ZNF362: variants seen among roughly 807,000 people sequenced by gnomAD.
The protein encoded by ZNF362 is zinc finger protein 362.
ZNF362 carries 11 observed loss-of-function variants against 42.9 expected under a neutral mutation model. The ratio of observed to expected loss-of-function variants is 0.26; its 90% CI spans 0.16 to 0.42. ZNF362 has a LOEUF of 0.42. Among genes scored for constraint, ZNF362 ranks in the 20% least tolerant of loss-of-function variants. ZNF362 has a pLI of 1.00. For missense variants in ZNF362, 362 were observed against 576.2 expected (o/e 0.63, Z 3.81); for synonymous variants, 255 against 257.3 (o/e 0.99, Z 0.09).
At chr1:33,189,064 G>C in the ZNF362 span, among the ~76,000 whole-genome samples, 1 of 152,182 alleles carries the variant, frequency 6.6e-6, no homozygotes, top group Admixed American at 6.5e-5. Flanking sequence ...TCTGCACCAA[G>C]TTGATGACTC....
the ZNF362 span, among the ~76,000 whole-genome samples, chr1:33,236,550 AATATAT>A: frequency 2.2e-3 from 13 of 5,978 alleles, no homozygotes; most frequent in Admixed American, 4.2e-3. Flanking sequence ...AAAAAAAAAA[AATATAT>A]ATATATATAT....
chr1:33,243,851 G>A, the ZNF362 span, among the ~76,000 whole-genome samples: 2 of 150,302 alleles, frequency 1.3e-5, no homozygotes, highest in Non-Finnish European at 2.9e-5. Context: ...CTCGTGATCC[G>A]CCCGCCTCGG....
At chr1:33,146,970 G>C in the ZNF362 span, 1 of 608,660 alleles carries the variant, frequency 1.6e-6, no homozygotes, top group Non-Finnish European at 2.9e-6. Flanking sequence ...CCCTATCAAG[G>C]TCAGAGCTAC....
At chr1:33,159,859 A>G in the ZNF362 span, 1 of 1,613,196 alleles carries the variant, frequency 6.2e-7, no homozygotes, top group Non-Finnish European at 8.5e-7. This position sits in a 1 kb window ranked among gnomAD's most constrained non-coding sequence, Gnocchi z 4.2. Context: ...CAGCTCCTCT[A>G]GCATGGCCTT....
the ZNF362 span, among the ~76,000 whole-genome samples, chr1:33,168,073 T>C: frequency 6.6e-6 from 1 of 151,928 alleles, no homozygotes; most frequent in Non-Finnish European, 1.5e-5. Context: ...CAGTGTGAGA[T>C]GGAGGGGACT....
At chr1:33,198,240 C>G in the ZNF362 span, among the ~76,000 whole-genome samples, 3 of 152,154 alleles carry the variant, frequency 2.0e-5, no homozygotes, top group Admixed American at 6.5e-5. Flanking sequence ...AGTGTGGTGG[C>G]TCATGCCTAT....
intron 6 of ZNF362, among the ~76,000 whole-genome samples, chr1:33,288,445 G>C (rs1646047357): frequency 6.6e-6 from 1 of 152,114 alleles, no homozygotes; most frequent in Non-Finnish European, 1.5e-5. Flanking sequence ...CTAAAGAGGA[G>C]TGACCACCAG....
chr1:33,189,647 A>ATG, the ZNF362 span, among the ~76,000 whole-genome samples: 1 of 16,646 alleles, frequency 6.0e-5, no homozygotes, highest in South Asian at 3.0e-3. Flanking sequence ...ATATATATAT[A>ATG]TATATATATA....
chr1:33,192,700 G>T, the ZNF362 span, among the ~76,000 whole-genome samples: 1 of 152,104 alleles, frequency 6.6e-6, no homozygotes. Context: ...GTTAAGAGTG[G>T]TTGCTAACAG....
chr1:33,276,580 CCAG>C lies in ZNF362; in HGVS notation c.338_340del (p.Ser113del). On this transcript the variant is annotated inframe_deletion, in exon 4 of 9. Coordinates refer to ENST00000539719, the MANE Select transcript of ZNF362 (RefSeq NM_152493.3). Reference sequence around the variant, plus strand: ...GTGGCGCTGCACGCACGGCCGGCCACCAGCACCGTCACAGGTAGGCCGAGCGGG... The same window carrying C: ...GTGGCGCTGCACGCACGGCCGGCCACCACCGTCACAGGTAGGCCGAGCGGG... The C allele has an allele frequency of 7.3e-7, 1 of 1,370,998 alleles. No individual in the cohort carries two copies. Among genetic ancestry groups the C allele is most frequent in the Non-Finnish European group, 9.4e-7 (1 of 1,068,480 alleles). 84.9% of individuals were successfully genotyped at this position (1,370,998 alleles called of 1,614,324 possible).
upstream of ZNF362, among the ~76,000 whole-genome samples, chr1:33,252,877 G>T (rs1278220452): frequency 1.3e-5 from 2 of 152,124 alleles, no homozygotes; most frequent in African/African-American, 4.8e-5. Flanking sequence ...TGCCATGGAG[G>T]GCCTCCTAGA....
the ZNF362 span, among the ~76,000 whole-genome samples, chr1:33,179,836 A>G: frequency 6.6e-6 from 1 of 152,232 alleles, no homozygotes; most frequent in African/African-American, 2.4e-5. Flanking sequence ...TTTATTAAAC[A>G]CAGTAAAATA....
intron 4 of ZNF362, among the ~76,000 whole-genome samples, chr1:33,277,965 C>G (rs958774545): frequency 5.9e-5 from 9 of 152,154 alleles, no homozygotes; most frequent in African/African-American, 2.2e-4. Context: ...GTGCTTCTGC[C>G]TCTCTCCTTC....
the ZNF362 span, among the ~76,000 whole-genome samples, chr1:33,179,027 C>G: frequency 6.6e-6 from 1 of 152,244 alleles, no homozygotes; most frequent in African/African-American, 2.4e-5. Flanking sequence ...AGCCCTGGCT[C>G]TCTCACTGTC....
the ZNF362 span, among the ~76,000 whole-genome samples, chr1:33,180,831 ACGGCCCCGCCATGCGG>A: frequency 1.9e-5 from 1 of 52,028 alleles, no homozygotes; most frequent in African/African-American, 7.2e-5. Flanking sequence ...CCCCGCCCCC[ACGGCCCCGCCATGCGG>A]CGGCCCCGCC....
chr1:33,198,022 A>C, the ZNF362 span, among the ~76,000 whole-genome samples: 1 of 152,220 alleles, frequency 6.6e-6, no homozygotes, highest in South Asian at 2.1e-4. Context: ...TCTGCCAAGA[A>C]TGTTGAAAGT....
chr1:33,241,344 A>T, the ZNF362 span, among the ~76,000 whole-genome samples: 8 of 151,956 alleles, frequency 5.3e-5, no homozygotes, highest in South Asian at 2.1e-4. Flanking sequence ...AAAATACAAA[A>T]ATTAGCCAGG....
the ZNF362 span, among the ~76,000 whole-genome samples, chr1:33,152,568 A>C: frequency 1.4e-5 from 2 of 141,680 alleles, no homozygotes; most frequent in African/African-American, 5.0e-5. Flanking sequence ...ACTCCGTCTC[A>C]AAAAGAAAAA....
chr1:33,193,004 C>CACACATATATATATATATATAT, the ZNF362 span, among the ~76,000 whole-genome samples: 6 of 137,292 alleles, frequency 4.4e-5, no homozygotes, highest in East Asian at 1.3e-3. Context: ...CACACACACA[C>CACACATATATATATATATATAT]ATATATATAT....
Sources: allele counts gnomAD v4.1 joint callset (sites outside exome capture counted in the v4.1 genomes callset), GRCh38; gene constraint gnomAD v4.1.1; non-coding constraint Gnocchi (gnomAD v3.1); transcripts MANE v1.5; gene names NCBI Gene and HGNC (gene_info 2026-07-23, HGNC 2026-07-21).